The following DYNLT2 variants were observed in gnomAD, a reference collection of about 807,000 sequenced individuals.
DYNLT2 encodes the protein dynein light chain Tctex-type protein 2.
In DYNLT2, 24 loss-of-function variants were observed where a neutral mutation model predicts 24.3. The ratio of observed to expected loss-of-function variants is 0.99; its 90% CI spans 0.71 to 1.39. The LOEUF (loss-of-function observed/expected upper bound fraction) is 1.39. DYNLT2 is among the 40% of genes most tolerant of loss of function. DYNLT2 has a pLI of 0.00. For missense variants in DYNLT2, 246 were observed against 234.5 expected, an observed-to-expected ratio of 1.05 and a Z score of -0.32; for synonymous variants, 85 against 85.4, an observed-to-expected ratio of 1.00 and a Z score of 0.03.
downstream of DYNLT2, chr6:169,738,990 A>G (rs568198719): frequency 1.5e-4 from 23 of 150,692 alleles, no homozygotes; most frequent in African/African-American, 5.2e-4. Flanking sequence ...ACCTAAGTGG[A>G]AAAAAAAACC....
chr6:169,740,554 A>T (rs1181729620), intron 3 of DYNLT2, among the ~76,000 whole-genome samples: 1 of 152,160 alleles, frequency 6.6e-6, no homozygotes, highest in African/African-American at 2.4e-5. Flanking sequence ...CAGGAGCAGA[A>T]GGCCCCTGGG....
the DYNLT2 span, among the ~76,000 whole-genome samples, chr6:169,734,837 T>G: frequency 5.3e-5 from 8 of 152,192 alleles, no homozygotes; most frequent in Admixed American, 1.3e-4. Context: ...CCTTTTCAAT[T>G]GTTTGGAATA....
the DYNLT2 span, among the ~76,000 whole-genome samples, chr6:169,733,510 C>T: frequency 5.9e-5 from 9 of 152,138 alleles, no homozygotes; most frequent in Admixed American, 2.0e-4. Flanking sequence ...ATATGGCTAG[C>T]CAGTTTTCCC....
chr6:169,740,098 C>A, downstream of DYNLT2: 12 of 876,274 alleles, frequency 1.4e-5, no homozygotes, highest in South Asian at 5.3e-5. Flanking sequence ...TATAGCAAAT[C>A]AGAAATATTA....
At position 169,748,978 on chromosome 6, in the gene DYNLT2, T is replaced by TAG. The variant is rs1452777268; in HGVS notation, c.120+2360_120+2361insCT. Among the ~76,000 whole-genome samples, 3 of 152,230 alleles carry TAG rather than the reference T, an allele frequency of 2.0e-5. No individual in the cohort carries two copies. In the South Asian group the frequency reaches 6.2e-4, roughly 31 times the overall value. On this transcript the variant is annotated intron_variant, in intron 1 of 3. Transcript: ENST00000366774. ...TGATCAACTTTTTGGCATCTAATAATACCTGAGTTTCTACTGATATAGCAT... is the reference window on the plus strand; with the variant it reads ...TGATCAACTTTTTGGCATCTAATAATAGACCTGAGTTTCTACTGATATAGCAT...
the DYNLT2 span, among the ~76,000 whole-genome samples, chr6:169,731,905 AT>A: frequency 0.018 from 2,742 of 152,312 alleles, 26 homozygotes; most frequent in Non-Finnish European, 0.028. Flanking sequence ...ATTACATATT[AT>A]TTACTTTAAT....
chr6:169,747,109 G>A (rs1020168766), intron 1 of DYNLT2, among the ~76,000 whole-genome samples: 2 of 151,784 alleles, frequency 1.3e-5, no homozygotes, highest in African/African-American at 4.8e-5. Flanking sequence ...TAGGTTGTTA[G>A]TCATTTTCTT....
the DYNLT2 span, chr6:169,725,129 A>G: frequency 2.5e-6 from 1 of 398,644 alleles, no homozygotes. Flanking sequence ...GGGCTGCACC[A>G]GGGCACTTGT....
At chr6:169,732,877 T>C in the DYNLT2 span, among the ~76,000 whole-genome samples, 1 of 152,234 alleles carries the variant, frequency 6.6e-6, no homozygotes, top group Non-Finnish European at 1.5e-5. Context: ...TCCACAATGG[T>C]TGAACTAATT....
chr6:169,726,085 T>C, the DYNLT2 span, among the ~76,000 whole-genome samples: 1 of 152,278 alleles, frequency 6.6e-6, no homozygotes, highest in African/African-American at 2.4e-5. Flanking sequence ...AAATTTGTCA[T>C]GTTTGGCAAA....
intron 1 of DYNLT2, among the ~76,000 whole-genome samples, chr6:169,745,101 G>GTT (rs939039835): frequency 2.1e-5 from 3 of 145,320 alleles, no homozygotes; most frequent in Non-Finnish European, 3.0e-5. Flanking sequence ...TTTTTTGTTT[G>GTT]TTTTTTTTTT....
At chr6:169,739,133 T>C (rs1315162039), downstream of DYNLT2, 1 of 152,122 alleles carries the variant, frequency 6.6e-6, no homozygotes, top group Non-Finnish European at 1.5e-5. Context: ...CAGGTATTGC[T>C]TGCCTCCCAC....
At chr6:169,735,280 C>G (rs573904405), downstream of DYNLT2, among the ~76,000 whole-genome samples, 66 of 151,232 alleles carry the variant, frequency 4.4e-4, no homozygotes, top group African/African-American at 1.6e-3. Flanking sequence ...GTGTCTCTGT[C>G]TCCTTCAATT....
downstream of DYNLT2, among the ~76,000 whole-genome samples, chr6:169,738,016 G>A (rs1327737095): frequency 3.3e-5 from 5 of 152,248 alleles, no homozygotes; most frequent in East Asian, 9.7e-4. Flanking sequence ...TGGAGTTATT[G>A]GAGATCCTGC....
At chr6:169,732,724 G>A in the DYNLT2 span, among the ~76,000 whole-genome samples, 1 of 152,080 alleles carries the variant, frequency 6.6e-6, no homozygotes, top group Non-Finnish European at 1.5e-5. Context: ...TTGCTATTGT[G>A]AATAGTGCTG....
At chr6:169,748,756 T>A (rs1789870858) in intron 1 of DYNLT2, among the ~76,000 whole-genome samples, 1 of 152,250 alleles carries the variant, frequency 6.6e-6, no homozygotes, top group African/African-American at 2.4e-5. Context: ...TCAACTGCAA[T>A]GATTCTTAAG....
the DYNLT2 span, among the ~76,000 whole-genome samples, chr6:169,727,116 T>C: frequency 2.0e-4 from 31 of 152,360 alleles, no homozygotes; most frequent in African/African-American, 7.0e-4. Flanking sequence ...ATACATTGTA[T>C]TTATCAACCT....
intron 1 of DYNLT2, among the ~76,000 whole-genome samples, chr6:169,747,330 G>T (rs1330269224): frequency 6.6e-6 from 1 of 151,998 alleles, no homozygotes; most frequent in African/African-American, 2.4e-5. Context: ...GAGCCTCTTA[G>T]ATTTGTGGGT....
At chr6:169,735,216 A>T (rs914222943), downstream of DYNLT2, among the ~76,000 whole-genome samples, 2 of 150,370 alleles carry the variant, frequency 1.3e-5, no homozygotes, top group African/African-American at 4.9e-5. Context: ...TATTTAGTTA[A>T]TTTTTTTTCA....
Sources: allele counts gnomAD v4.1 joint callset (sites outside exome capture counted in the v4.1 genomes callset), GRCh38; gene constraint gnomAD v4.1.1; transcripts MANE v1.5; gene names NCBI Gene and HGNC (gene_info 2026-07-23, HGNC 2026-07-21).